The following SOX5 variants were observed in gnomAD, a reference collection of about 807,000 sequenced individuals.
SOX5 encodes the protein transcription factor SOX-5.
In SOX5, 9 loss-of-function variants were observed where a neutral mutation model predicts 92.0. That is an observed-to-expected ratio of 0.10 (90% CI 0.06 to 0.17). The LOEUF (loss-of-function observed/expected upper bound fraction) is 0.17. Ranked by LOEUF, SOX5 falls within the 10% of genes least tolerant of loss-of-function variation. SOX5 has a pLI of 1.00. For synonymous variants in SOX5, 344 were observed against 336.3 expected (o/e 1.02, Z -0.25); for missense variants, 642 against 944.5 (o/e 0.68, Z 4.20).
At chr12:23,862,229 TTTA>T (rs1291130352) in intron 2 of SOX5, among the ~76,000 whole-genome samples, 5 of 152,188 alleles carry the variant, frequency 3.3e-5, no homozygotes, top group African/African-American at 9.6e-5. Flanking sequence ...CATGTTTATT[TTTA>T]TTGTTTCAGT....
chr12:24,148,752 T>G (rs1257626674), intron 4 of SOX5, among the ~76,000 whole-genome samples: 1 of 143,622 alleles, frequency 7.0e-6, no homozygotes, highest in Non-Finnish European at 1.5e-5. Flanking sequence ...TGGCTGGATA[T>G]AGTGGCCCAT....
intron 4 of SOX5, among the ~76,000 whole-genome samples, chr12:24,211,217 A>T (rs1043997096): frequency 2.0e-5 from 3 of 152,098 alleles, no homozygotes; most frequent in African/African-American, 7.2e-5. Context: ...CCTCTATTCC[A>T]TTCTCTCCTT....
intron 1 of SOX5, among the ~76,000 whole-genome samples, chr12:24,405,167 T>C (rs1396207): frequency 0.58 from 88,565 of 151,948 alleles, 26,302 homozygotes; most frequent in East Asian, 0.92. Flanking sequence ...CTATGGAAGC[T>C]CTAGCAAACT....
At chr12:24,033,419 A>T (rs1008396705) in intron 4 of SOX5, among the ~76,000 whole-genome samples, 5 of 151,980 alleles carry the variant, frequency 3.3e-5, no homozygotes, top group African/African-American at 1.2e-4. Context: ...AAAGTGATTT[A>T]AAAAAAGAGT....
rs150688061 is a variant in SOX5, at chr12:24,045,058, G to A, written c.-1-149034C>T. 1.7e-3 allele frequency among the ~76,000 whole-genome samples: 257 copies of A among 152,310 alleles called. 1 individual carries two copies. The highest frequency in any genetic ancestry group is 5.9e-3 in the African/African-American group (246 of 41,578). ...CAGGGTTTGCAAACAACTAAGATCA[G>A]TCAAATCTCCCACTAGGAGGTTATG... On this transcript the variant is annotated intron_variant, in intron 4 of 4. Coordinates refer to the SOX5 transcript ENST00000446891.
At chr12:23,584,455 G>A (rs947489037) in intron 9 of SOX5, 5 of 974,082 alleles carry the variant, frequency 5.1e-6, no homozygotes, top group African/African-American at 3.2e-5. Flanking sequence ...CTGGCAGAGT[G>A]GGAGAAATCA....
At chr12:24,417,484 T>A (rs1413020741) in intron 1 of SOX5, among the ~76,000 whole-genome samples, 2 of 152,190 alleles carry the variant, frequency 1.3e-5, no homozygotes, top group African/African-American at 4.8e-5. Context: ...GATGGATAAT[T>A]TTCATGAGAC....
chr12:24,231,271 T>G (rs572546673), intron 3 of SOX5, among the ~76,000 whole-genome samples: 57 of 152,038 alleles, frequency 3.7e-4, no homozygotes, highest in Non-Finnish European at 7.3e-4. Flanking sequence ...CTTTCCTGTT[T>G]TCAACACACA....
intron 4 of SOX5, among the ~76,000 whole-genome samples, chr12:24,162,927 C>G (rs1332659740): frequency 6.6e-6 from 1 of 152,122 alleles, no homozygotes; most frequent in Non-Finnish European, 1.5e-5. Flanking sequence ...GCCTTCTTCA[C>G]TTCAGTAGAA....
chr12:23,992,520 T>C (rs543382356), intron 4 of SOX5, among the ~76,000 whole-genome samples: 16 of 152,220 alleles, frequency 1.1e-4, no homozygotes, highest in African/African-American at 3.1e-4. Flanking sequence ...ACCAGATGTT[T>C]AATCTTTTTT....
At chr12:23,577,935 C>T (rs1949427135) in intron 9 of SOX5, among the ~76,000 whole-genome samples, 1 of 151,344 alleles carries the variant, frequency 6.6e-6, no homozygotes. Flanking sequence ...TCCTGGCCAA[C>T]ACGGTGAAAC....
intron 3 of SOX5, among the ~76,000 whole-genome samples, chr12:24,264,598 ATCC>A (rs1317125392): frequency 1.3e-5 from 2 of 152,148 alleles, no homozygotes; most frequent in African/African-American, 4.8e-5. Flanking sequence ...AATTTGCTTC[ATCC>A]TCTGCATCCT....
chr12:24,496,705 G>A (rs879933185), intron 1 of SOX5, among the ~76,000 whole-genome samples: 27 of 152,274 alleles, frequency 1.8e-4, no homozygotes, highest in Non-Finnish European at 3.2e-4. Flanking sequence ...TCCACCATTC[G>A]TTTATACCGT....
At chr12:24,284,037 G>A (rs1945530948) in intron 2 of SOX5, among the ~76,000 whole-genome samples, 1 of 152,208 alleles carries the variant, frequency 6.6e-6, no homozygotes, top group Non-Finnish European at 1.5e-5. Context: ...ACGTTGCAAT[G>A]TCCAAAGGCT....
At chr12:23,633,889 A>T (rs1675906434) in intron 8 of SOX5, among the ~76,000 whole-genome samples, 1 of 152,156 alleles carries the variant, frequency 6.6e-6, no homozygotes, top group Non-Finnish European at 1.5e-5. Flanking sequence ...ATTTTAAAAG[A>T]ATTACATAAA....
chr12:23,873,305 C>CAA (rs11295934), intron 2 of SOX5, among the ~76,000 whole-genome samples: 3 of 149,248 alleles, frequency 2.0e-5, no homozygotes, highest in South Asian at 4.2e-4. Context: ...ACTGTCTCTC[C>CAA]AAAAAAAAAA....
At chr12:24,068,582 G>A (rs1298957517) in intron 4 of SOX5, among the ~76,000 whole-genome samples, 1 of 151,186 alleles carries the variant, frequency 6.6e-6, no homozygotes, top group Non-Finnish European at 1.5e-5. Flanking sequence ...CTGCAGAATG[G>A]AAGTTATTCA....
At chr12:24,449,782 C>T (rs753497096) in intron 1 of SOX5, among the ~76,000 whole-genome samples, 2 of 152,184 alleles carry the variant, frequency 1.3e-5, no homozygotes, top group Non-Finnish European at 2.9e-5. Context: ...TAAGTGAACA[C>T]ATGGTAACCA....
intron 4 of SOX5, among the ~76,000 whole-genome samples, chr12:24,002,653 A>T (rs1951728297): frequency 6.6e-6 from 1 of 151,176 alleles, no homozygotes; most frequent in Non-Finnish European, 1.5e-5. Flanking sequence ...AGTATGTTTA[A>T]TATTTCCACA....
Sources: gnomAD v4.1 joint callset for allele counts (sites outside exome capture counted in the v4.1 genomes callset) on GRCh38, gnomAD v4.1.1 for gene constraint, MANE v1.5 for transcripts, NCBI Gene and HGNC (gene_info 2026-07-23, HGNC 2026-07-21) for gene names.